Variants in RBM47 observed in about 807,000 individuals in gnomAD.
RBM47 encodes the protein RNA-binding protein 47.
RBM47 carries 21 observed loss-of-function variants against 47.1 expected under a neutral mutation model. That is an observed-to-expected ratio of 0.45 (90% CI 0.32 to 0.64). RBM47 has a LOEUF of 0.64. RBM47 is among the 30% of genes least tolerant of loss of function. The probability of loss-of-function intolerance (pLI) is 0.05; values close to 1 mark genes in which losing one functional copy is unlikely to be tolerated. For missense variants in RBM47, 708 were observed against 870.9 expected, an observed-to-expected ratio of 0.81 and a Z score of 2.35; for synonymous variants, 375 against 361.7, an observed-to-expected ratio of 1.04 and a Z score of -0.42.
intron 1 of RBM47, among the ~76,000 whole-genome samples, chr4:40,618,281 C>G (rs1736926569): frequency 6.6e-6 from 1 of 151,762 alleles, no homozygotes. Flanking sequence ...AAATGCTAGG[C>G]AGCCAGGCAT....
chr4:40,483,281 A>G (rs936622689), intron 2 of RBM47, among the ~76,000 whole-genome samples: 1 of 152,222 alleles, frequency 6.6e-6, no homozygotes, highest in African/African-American at 2.4e-5. Flanking sequence ...GAGTCACTCA[A>G]TCGTTCAACA....
Position 40,423,787 on chromosome 4 carries a change from G to T in RBM47, c.*2117C>A, listed in dbSNP as rs1397689574. Reference sequence around the variant, plus strand: ...TACAGGCATATGTAAAATACAGTAAGAATACTGGGTCATAGTTTCATCCAG... The same window carrying T: ...TACAGGCATATGTAAAATACAGTAATAATACTGGGTCATAGTTTCATCCAG... On this transcript the variant is annotated 3_prime_UTR_variant, in exon 7 of 7. Transcript: ENST00000295971. 1 of 150,802 alleles carries T rather than the reference G, an allele frequency of 6.6e-6. No individual in the cohort carries two copies. The highest frequency in any genetic ancestry group is 2.0e-4 in the East Asian group (1 of 5,112). The allele number at this position is 150,802 out of a possible 1,614,324, so 9.3% of individuals were successfully genotyped here.
chr4:40,433,206 C>T (rs145264802), intron 5 of RBM47, among the ~76,000 whole-genome samples: 7,395 of 152,274 alleles, frequency 0.049, 209 homozygotes, highest in Non-Finnish European at 0.054. Flanking sequence ...AGCGATCCAA[C>T]TGCCTTGGCC....
At chr4:40,624,860 CT>C (rs1172791380) in intron 1 of RBM47, among the ~76,000 whole-genome samples, 3,949 of 119,674 alleles carry the variant, frequency 0.033, 88 homozygotes, top group African/African-American at 0.096. Flanking sequence ...TTTTCTTTTT[CT>C]TTTTTTTTTT....
rs1560357762 is a variant in RBM47, at chr4:40,437,161, T to TATATATATATAATAC, written c.1124-529_1124-515dup. Among the ~76,000 whole-genome samples the TATATATATATAATAC allele has an allele frequency of 1.4e-3, 183 of 126,324 alleles. 2 individuals carry two copies. The highest frequency in any genetic ancestry group is 6.5e-3 in the African/African-American group (176 of 26,948). The allele number at this position is 126,324 out of a possible 152,430, so 82.9% of individuals were successfully genotyped here. Reference sequence around the variant, plus strand: ...TACATATATATATATAAAATACATATATATATATATAATACATATATATAT... The same window carrying TATATATATATAATAC: ...TACATATATATATATAAAATACATATATATATATATAATACATATATATATAATACATATATATAT... On this transcript the variant is annotated intron_variant, in intron 4 of 6. Coordinates refer to ENST00000295971, the MANE Select transcript of RBM47 (RefSeq NM_001098634.2).
In RBM47 at chr4:40,483,753, C is replaced by T. The variant is rs563171310; in HGVS notation, c.-154-17054G>A. On this transcript the variant is annotated intron_variant, in intron 2 of 6. Coordinates refer to ENST00000295971, the MANE Select transcript of RBM47 (RefSeq NM_001098634.2). Reference sequence around the variant, plus strand: ...ATACAATACACTATCATTTTTTAATCAACCAATAAAATTAGCTAAAATACT... The same window carrying T: ...ATACAATACACTATCATTTTTTAATTAACCAATAAAATTAGCTAAAATACT... 2.0e-5 allele frequency among the ~76,000 whole-genome samples: 3 copies of T among 152,238 alleles called. No homozygotes were observed. In the South Asian group the frequency reaches 6.2e-4, roughly 32 times the overall value.
Position 40,443,588 on chromosome 4 carries a change from A to G in RBM47, c.-31-4664T>C, listed in dbSNP as rs549111216. 3.0e-4 allele frequency among the ~76,000 whole-genome samples: 46 copies of G among 151,880 alleles called. 1 individual carries two copies. The South Asian group carries it at 9.2e-3, about 30-fold the overall frequency. On this transcript the variant is annotated intron_variant, in intron 3 of 6. Coordinates refer to ENST00000295971, the MANE Select transcript of RBM47 (RefSeq NM_001098634.2). Reference sequence around the variant, plus strand: ...CAAAATTAGCTGGGCGTGGTGGCACATGCCTGTAATCTCAGCTACTCAGGA... The same window carrying G: ...CAAAATTAGCTGGGCGTGGTGGCACGTGCCTGTAATCTCAGCTACTCAGGA...
At chr4:40,444,479 C>T (rs1289312134) in intron 3 of RBM47, among the ~76,000 whole-genome samples, 2 of 151,226 alleles carry the variant, frequency 1.3e-5, no homozygotes, top group Non-Finnish European at 2.9e-5. Flanking sequence ...AATGGCAAAG[C>T]GAAATAGTTG....
chr4:40,483,415 C>A (rs1390922191), intron 2 of RBM47, among the ~76,000 whole-genome samples: 1 of 152,134 alleles, frequency 6.6e-6, no homozygotes, highest in East Asian at 1.9e-4. Flanking sequence ...GCAGAGGGAG[C>A]GAGACAGGCA....
At chr4:40,564,330 A>G (rs538860030) in intron 1 of RBM47, among the ~76,000 whole-genome samples, 61 of 152,364 alleles carry the variant, frequency 4.0e-4, no homozygotes, top group African/African-American at 1.4e-3. Context: ...TATGATAAAA[A>G]TGGCAAAGCA....
intron 2 of RBM47, chr4:40,514,385 T>C (rs978929931): frequency 2.6e-5 from 4 of 152,166 alleles, no homozygotes; most frequent in Admixed American, 2.0e-4. Flanking sequence ...CACTAAAAAA[T>C]AGAGTTTGCA....
chr4:40,583,370 C>T (rs112701705), intron 1 of RBM47, among the ~76,000 whole-genome samples: 7,046 of 126,296 alleles, frequency 0.056, 438 homozygotes, highest in East Asian at 0.22. Context: ...GCCGAGATCA[C>T]GCCACTACTC....
At chr4:40,536,715 GTGT>G (rs1207354836) in intron 2 of RBM47, among the ~76,000 whole-genome samples, 2 of 140,500 alleles carry the variant, frequency 1.4e-5, no homozygotes, top group African/African-American at 5.8e-5. Context: ...GTGTGTGTGT[GTGT>G]TTTTGTTTTT....
At chr4:40,596,944 A>T (rs1479380172) in intron 1 of RBM47, among the ~76,000 whole-genome samples, 1 of 152,194 alleles carries the variant, frequency 6.6e-6, no homozygotes, top group East Asian at 1.9e-4. Context: ...ATTTTTAAAT[A>T]TTAAGTATTT....
At chr4:40,507,150 T>G (rs1014830884) in intron 2 of RBM47, among the ~76,000 whole-genome samples, 11 of 151,938 alleles carry the variant, frequency 7.2e-5, no homozygotes, top group African/African-American at 2.7e-4. Context: ...AGAGACACGG[T>G]TTCACCATGT....
chr4:40,588,241 G>A (rs1733779087), intron 1 of RBM47, among the ~76,000 whole-genome samples: 1 of 152,190 alleles, frequency 6.6e-6, no homozygotes, highest in Non-Finnish European at 1.5e-5. Flanking sequence ...TACAGGGTGA[G>A]TCCAGCAGGC....
chr4:40,469,886 C>T (rs191390126), intron 2 of RBM47, among the ~76,000 whole-genome samples: 30 of 152,246 alleles, frequency 2.0e-4, no homozygotes, highest in African/African-American at 3.9e-4. Flanking sequence ...CTGCTGGCCT[C>T]GGCCTCCCAA....
rs1330307699 is a variant in RBM47, at chr4:40,629,566, A to C, written c.-410T>G. ...AGCGACTCCCCACCGCGCCGCTTAAAGCAACAGAGCGTTTTAGGCTTAACT... is the reference window on the plus strand; with the variant it reads ...AGCGACTCCCCACCGCGCCGCTTAACGCAACAGAGCGTTTTAGGCTTAACT... On this transcript the variant is annotated 5_prime_UTR_variant, in exon 1 of 7. Coordinates refer to ENST00000295971, the MANE Select transcript of RBM47 (RefSeq NM_001098634.2). 1 of 152,210 alleles carries C rather than the reference A, an allele frequency of 6.6e-6. No homozygotes were observed. Among genetic ancestry groups the C allele is most frequent in the African/African-American group, 2.4e-5 (1 of 41,444 alleles). The allele number at this position is 152,210 out of a possible 1,614,324, so 9.4% of individuals were successfully genotyped here.
chr4:40,537,987 G>A (rs1424946186), intron 2 of RBM47, among the ~76,000 whole-genome samples: 2 of 52,456 alleles, frequency 3.8e-5, no homozygotes, highest in Admixed American at 1.6e-4. Flanking sequence ...CTACAGGCGT[G>A]TGCGTGTGCC....
Sources: allele counts gnomAD v4.1 joint callset (sites outside exome capture counted in the v4.1 genomes callset), GRCh38; gene constraint gnomAD v4.1.1; transcripts MANE v1.5; gene names NCBI Gene and HGNC (gene_info 2026-07-23, HGNC 2026-07-21).